Variants in TAF4B observed in about 807,000 individuals in gnomAD.
TAF4B encodes the protein transcription initiation factor TFIID subunit 4B.
Under a neutral mutation model 86.4 loss-of-function variants are expected in TAF4B, and 38 were observed. The observed-to-expected ratio is 0.44, with a 90% CI of 0.34 to 0.58. The LOEUF is 0.58. TAF4B is among the 20% of genes least tolerant of loss of function. The pLI is 0.02. For missense variants in TAF4B, 988 were observed against 1,027.6 expected, an observed-to-expected ratio of 0.96 and a Z score of 0.53; for synonymous variants, 388 against 391.2, an observed-to-expected ratio of 0.99 and a Z score of 0.10.
intron 13 of TAF4B, among the ~76,000 whole-genome samples, chr18:26,355,561 T>C (rs1567919156): frequency 6.6e-6 from 1 of 152,242 alleles, no homozygotes; most frequent in Non-Finnish European, 1.5e-5. Flanking sequence ...GTTTCCATTT[T>C]TGTTAGATTT....
intron 1 of TAF4B, among the ~76,000 whole-genome samples, chr18:26,259,598 A>G (rs1568110396): frequency 6.6e-6 from 1 of 152,166 alleles, no homozygotes; most frequent in Non-Finnish European, 1.5e-5. Flanking sequence ...CCATGTCCCT[A>G]CAAAGGACAT....
chr18:26,345,791 A>G (rs1371686146), intron 13 of TAF4B, among the ~76,000 whole-genome samples: 1 of 152,182 alleles, frequency 6.6e-6, no homozygotes, highest in African/African-American at 2.4e-5. Context: ...AATACCCATG[A>G]AAAGGAACAC....
intron 13 of TAF4B, among the ~76,000 whole-genome samples, chr18:26,336,943 G>T (rs929168451): frequency 6.6e-6 from 1 of 152,012 alleles, no homozygotes; most frequent in Non-Finnish European, 1.5e-5. Context: ...TTTTATTTTA[G>T]TATGTTGTTT....
intron 1 of TAF4B, among the ~76,000 whole-genome samples, chr18:26,235,131 A>C (rs901830557): frequency 6.6e-6 from 1 of 152,172 alleles, no homozygotes; most frequent in Non-Finnish European, 1.5e-5. Flanking sequence ...GGGAAGGCTT[A>C]AGGCTGGAGC....
intron 9 of TAF4B, among the ~76,000 whole-genome samples, chr18:26,310,880 C>G (rs1305158538): frequency 6.6e-6 from 1 of 151,532 alleles, no homozygotes; most frequent in East Asian, 1.9e-4. Context: ...TGGTACATGA[C>G]AAGATGGAGC....
intron 9 of TAF4B, 77 bp from the exon 10 acceptor site, chr18:26,315,152 C>CTCTG (rs2056895376): frequency 3.9e-6 from 2 of 506,974 alleles, no homozygotes; most frequent in Admixed American, 4.8e-5. Flanking sequence ...CTCTGTCTCT[C>CTCTG]TCTCTCTCTC....
At chr18:26,352,911 G>A (rs1405597475) in intron 13 of TAF4B, among the ~76,000 whole-genome samples, 1 of 152,108 alleles carries the variant, frequency 6.6e-6, no homozygotes, top group African/African-American at 2.4e-5. Context: ...TTTTAGTTCT[G>A]TAATTATTAA....
rs115982353 is a variant in TAF4B at position 26,346,260 on chromosome 18, A to G, written c.2316+11029A>G. Among the ~76,000 whole-genome samples, 734 of 152,178 alleles carry G rather than the reference A, an allele frequency of 4.8e-3. 8 individuals are homozygous for G. The highest frequency in any genetic ancestry group is 0.017 in the African/African-American group (696 of 41,492). On this transcript the variant is annotated intron_variant, in intron 13 of 14. Coordinates refer to ENST00000269142, the MANE Select transcript of TAF4B (RefSeq NM_005640.3). ...GAGACCTTTAACAATACCCTACACC[A>G]AGCAGAAAAAAGAATTTTTGAACTT...
intron 1 of TAF4B, among the ~76,000 whole-genome samples, chr18:26,246,920 G>A (rs999968507): frequency 1.1e-4 from 16 of 149,430 alleles, no homozygotes; most frequent in Non-Finnish European, 1.8e-4. Context: ...GCATGATTTC[G>A]CCTCACTGCA....
intron 1 of TAF4B, among the ~76,000 whole-genome samples, chr18:26,248,630 TCTC>T (rs1047315019): frequency 1.0e-3 from 23 of 21,952 alleles, no homozygotes; most frequent in African/African-American, 4.4e-3. Flanking sequence ...CATAAGCAGT[TCTC>T]CTACGTCAAA....
rs1403245913 is a variant in TAF4B, at chr18:26,306,057, G to T, written c.1833-9172G>T. Among the ~76,000 whole-genome samples the T allele has an allele frequency of 2.6e-5, 4 of 152,344 alleles. No individual in the cohort carries two copies. In the South Asian group the frequency reaches 6.2e-4, roughly 24 times the overall value. On this transcript the variant is annotated intron_variant, in intron 9 of 14. Transcript: ENST00000269142. ...CTCTCATATTCAGAAAAACTGAATTGCAAGGATCACGGTCTGTGGTGTTAG... is the reference window on the plus strand; with the variant it reads ...CTCTCATATTCAGAAAAACTGAATTTCAAGGATCACGGTCTGTGGTGTTAG...
intron 14 of TAF4B, among the ~76,000 whole-genome samples, chr18:26,364,262 A>T (rs550774675): frequency 1.3e-5 from 2 of 152,314 alleles, no homozygotes; most frequent in African/African-American, 4.8e-5. Context: ...TTTATACCAT[A>T]AGCTTATTGG....
chr18:26,382,121 T>C (rs1169208098), intron 14 of TAF4B, among the ~76,000 whole-genome samples: 1 of 152,186 alleles, frequency 6.6e-6, no homozygotes, highest in Admixed American at 6.5e-5. Flanking sequence ...ATATTATAGC[T>C]CTTACTTATA....
chr18:26,319,011 TAGTG>T (rs1247994192), intron 10 of TAF4B, among the ~76,000 whole-genome samples: 1 of 151,318 alleles, frequency 6.6e-6, no homozygotes, highest in African/African-American at 2.4e-5. Flanking sequence ...CTGGGCAACA[TAGTG>T]AGACCCAATC....
chr18:26,262,971 G>A (rs2056190741), intron 1 of TAF4B, among the ~76,000 whole-genome samples: 1 of 151,842 alleles, frequency 6.6e-6, no homozygotes, highest in East Asian at 1.9e-4. Context: ...TTTATTTAGA[G>A]ACAGTGTTGT....
intron 1 of TAF4B, among the ~76,000 whole-genome samples, chr18:26,259,756 G>A (rs2056138076): frequency 7.2e-5 from 11 of 152,232 alleles, no homozygotes; most frequent in Admixed American, 7.2e-4. Context: ...ATGTGCGTGT[G>A]TCTTTATAGC....
chr18:26,250,524 TG>T (rs2055991196), intron 1 of TAF4B, among the ~76,000 whole-genome samples: 1 of 151,760 alleles, frequency 6.6e-6, no homozygotes, highest in Non-Finnish European at 1.5e-5. Context: ...AATTTTTTTT[TG>T]TAGAGATGGG....
In TAF4B at chr18:26,281,818, A is replaced by G. The variant is rs143484941; in HGVS notation, c.883-153A>G. ...AAACATCTCTATCATTTATGCTTAC[A>G]CATTTCATAGGTGGCATGAAGAAAA... On this transcript the variant is annotated intron_variant, in intron 5 of 14. Transcript: ENST00000269142. Among the ~76,000 whole-genome samples, 1,505 of 152,314 alleles carry G rather than the reference A, an allele frequency of 9.9e-3. 12 individuals carry two copies. The highest frequency in any genetic ancestry group is 0.034 in the African/African-American group (1,398 of 41,556).
chr18:26,385,924 T>C (rs1978341798), intron 14 of TAF4B, among the ~76,000 whole-genome samples: 1 of 152,150 alleles, frequency 6.6e-6, no homozygotes, highest in Admixed American at 6.5e-5. Context: ...AGCTGGTTAT[T>C]CTGGCCAGGT....
Sources: gnomAD v4.1 joint callset for allele counts (sites outside exome capture counted in the v4.1 genomes callset) on GRCh38, gnomAD v4.1.1 for gene constraint, MANE v1.5 for transcripts, NCBI Gene and HGNC (gene_info 2026-07-23, HGNC 2026-07-21) for gene names.